Variants in ZNF446 observed in about 807,000 individuals in gnomAD.
The protein encoded by ZNF446 is zinc finger protein with KRAB and SCAN domains 20.
In ZNF446, 42 loss-of-function variants were observed where a neutral mutation model predicts 34.0. The observed-to-expected ratio is 1.23, with a 90% CI of 0.96 to 1.60. ZNF446 has a LOEUF of 1.60. Among genes scored for constraint, ZNF446 ranks in the 40% most tolerant of loss-of-function variants. The probability of loss-of-function intolerance (pLI) is 0.00; values close to 1 mark genes in which losing one functional copy is unlikely to be tolerated. For missense variants in ZNF446, 650 were observed against 600.2 expected (o/e 1.08, Z -0.87); for synonymous variants, 315 against 251.0 (o/e 1.25, Z -2.41).
At position 58,480,635 on chromosome 19, in the gene ZNF446, G is replaced by A. The variant is rs140471976; in HGVS notation, c.1262G>A (p.Arg421Gln). Reference sequence around the variant, plus strand: ...CACCGCAAGAGCCACACAGGCCAGCGGCGTCACTTCTGCAGTGACTGTGGC... The same window carrying A: ...CACCGCAAGAGCCACACAGGCCAGCAGCGTCACTTCTGCAGTGACTGTGGC... Reference protein sequence around the residue: ...VIHRKSHTGQRRHFCSDCGRA... With the variant: ...VIHRKSHTGQQRHFCSDCGRA... Residue 421 changes from arginine (R) to glutamine (Q), a missense_variant, in exon 7 of 7, where the codon CGG (arginine) becomes CAG (glutamine). Coordinates refer to ENST00000594369, the MANE Select transcript of ZNF446 (RefSeq NM_017908.4). This position sits in a 1 kb window ranked among gnomAD's most constrained non-coding sequence, Gnocchi z 7.2. 1.4e-4 allele frequency: 218 copies of A among 1,612,078 alleles called. 1 individual carries two copies. The Middle Eastern group carries it at 2.0e-3, about 15-fold the overall frequency.
At position 58,480,542 on chromosome 19, in the gene ZNF446, C is replaced by T; in HGVS notation, c.1169C>T (p.Thr390Ile). ...AFPHHPRRSLTGPRSYPCEEC... is the reference protein window; with the variant it reads ...AFPHHPRRSLIGPRSYPCEEC... ...CCGCACCACCCCCGACGCTCACTCA[C>T]AGGCCCCCGGAGTTACCCGTGTGAG... is the stretch of plus-strand genomic sequence containing the variant. Residue 390 changes from threonine to isoleucine, a missense_variant, in exon 7 of 7, where the codon ACA (threonine) becomes ATA (isoleucine). Coordinates refer to ENST00000594369, the MANE Select transcript of ZNF446 (RefSeq NM_017908.4). This position sits in a 1 kb window ranked among gnomAD's most constrained non-coding sequence, Gnocchi z 7.2. The T allele has an allele frequency of 6.2e-7, 1 of 1,612,840 alleles. No individual in the cohort carries two copies. The highest frequency in any genetic ancestry group is 8.5e-7 in the Non-Finnish European group (1 of 1,179,814).
chr19:58,477,938 A>C, intron 3 of ZNF446, 112 bp downstream of exon 3: 1 of 1,316,368 alleles, frequency 7.6e-7, no homozygotes, highest in Non-Finnish European at 1.0e-6. Context: ...CCTGAAGTGA[A>C]TGTGGATGTC....
chr19:58,477,620 C>G lies in ZNF446; in HGVS notation c.343-17C>G, dbSNP rs2053100160. 8 of 1,613,638 alleles carry G rather than the reference C, an allele frequency of 5.0e-6. No homozygotes were observed. The highest frequency in any genetic ancestry group is 5.9e-6 in the Non-Finnish European group (7 of 1,179,950). ...AGACCCTGGCTAGAGCCATTGTGAC[C>G]TACCTCTTCTCCTCAGATCACAGCC... is the stretch of plus-strand genomic sequence containing the variant. On this transcript the variant is annotated splice_polypyrimidine_tract_variant and intron_variant, in intron 2 of 6. Coordinates refer to ENST00000594369, the MANE Select transcript of ZNF446 (RefSeq NM_017908.4).
Position 58,477,295 on chromosome 19 carries a change from G to C in ZNF446, c.77G>C (p.Arg26Pro). ...ETTLEEPETA[R>P]LRFRGFCYQE... is the part of the protein sequence containing the mutation. Reference sequence around the variant, plus strand: ...ACCCTTGAGGAGCCTGAGACTGCCCGCCTCCGCTTCCGAGGGTTCTGCTAC... The same window carrying C: ...ACCCTTGAGGAGCCTGAGACTGCCCCCCTCCGCTTCCGAGGGTTCTGCTAC... The change falls in exon 2 of 7, where the codon CGC becomes CCC. Residue 26 changes from arginine to proline, a missense_variant. Transcript: ENST00000594369. 1 of 1,612,702 alleles carries C rather than the reference G, an allele frequency of 6.2e-7. No individual in the cohort carries two copies. Among genetic ancestry groups the C allele is most frequent in the Non-Finnish European group, 8.5e-7 (1 of 1,179,738 alleles).
In ZNF446 at chr19:58,477,305, C is replaced by T. The variant is rs767170463; in HGVS notation, c.87C>T (p.Phe29=). 6.2e-7 allele frequency: 1 copy of T among 1,613,176 alleles called. No homozygotes were observed. Among genetic ancestry groups the T allele is most frequent in the Non-Finnish European group, 8.5e-7 (1 of 1,179,920 alleles). ...LEEPETARLR[F]RGFCYQEVAG... is the part of the protein sequence containing the mutation. ...AGCCTGAGACTGCCCGCCTCCGCTT[C>T]CGAGGGTTCTGCTACCAGGAGGTGG... is the stretch of plus-strand genomic sequence containing the variant. The change falls in exon 2 of 7, where the codon TTC becomes TTT. Residue 29 remains phenylalanine, a synonymous_variant. Transcript: ENST00000594369.
rs189690067 is a variant in ZNF446 at position 58,477,543 on chromosome 19, G to C, written c.325G>C (p.Gly109Arg). ...ALVEGLQHDP[G>R]QLLGWITAHV... ...AGTCGAAGGACTGCAGCATGACCCT[G>C]GGCAACTGTTGGGCTGGGTGAGTGT... The change falls in exon 2 of 7, where the codon GGG becomes CGG. Residue 109 changes from glycine (G) to arginine (R), a missense_variant. Gly to Arg is a moderately radical substitution (Grantham distance 125). Transcript: ENST00000594369. 3 of 1,612,246 alleles carry C rather than the reference G, an allele frequency of 1.9e-6. No individual in the cohort carries two copies. The highest frequency in any genetic ancestry group is 4.5e-5 in the East Asian group (2 of 44,876).
Position 58,480,456 on chromosome 19 carries a change from G to C in ZNF446, c.1083G>C (p.Gln361His), listed in dbSNP as rs890476187. ...HRTHTSGPGV[Q>H]SPGLATGEST... Reference sequence around the variant, plus strand: ...CACACACGAGTGGGCCAGGTGTGCAGTCCCCGGGGCTAGCCACCGGGGAAA... The same window carrying C: ...CACACACGAGTGGGCCAGGTGTGCACTCCCCGGGGCTAGCCACCGGGGAAA... The change falls in exon 7 of 7, where the codon CAG (glutamine) becomes CAC (histidine). Residue 361 changes from glutamine to histidine, a missense_variant. Coordinates refer to ENST00000594369, the MANE Select transcript of ZNF446 (RefSeq NM_017908.4). This position sits in a 1 kb window ranked among gnomAD's most constrained non-coding sequence, Gnocchi z 7.2. 1 of 1,612,786 alleles carries C rather than the reference G, an allele frequency of 6.2e-7. No homozygotes were observed. The highest frequency in any genetic ancestry group is 8.5e-7 in the Non-Finnish European group (1 of 1,179,934).
At chr19:58,487,843 G>A in the ZNF446 span, among the ~76,000 whole-genome samples, 3 of 152,130 alleles carry the variant, frequency 2.0e-5, no homozygotes, top group Admixed American at 2.0e-4. Context: ...ATATGAATAG[G>A]ACTAAAATAT....
chr19:58,480,692 T>TC lies in ZNF446; in HGVS notation c.1321dup (p.His441ProfsTer47), dbSNP rs1568618865. On this transcript the variant is annotated frameshift_variant, in exon 7 of 7. Coordinates refer to ENST00000594369, the MANE Select transcript of ZNF446 (RefSeq NM_017908.4). LOFTEE classifies it high-confidence loss of function. The surrounding 1 kb of genome is among the most constrained non-coding windows in gnomAD (Gnocchi z 7.2). ...TTCGACTGGAAGTCGCAGCTGGTCA[T>TC]CCACCGCAAGGGCCACCGGCCGGAG... 4 of 1,608,680 alleles carry TC rather than the reference T, an allele frequency of 2.5e-6. No individual in the cohort carries two copies. Among genetic ancestry groups the TC allele is most frequent in the Non-Finnish European group, 3.4e-6 (4 of 1,179,698 alleles).
chr19:58,485,768 CAG>C (rs553608816), downstream of ZNF446, among the ~76,000 whole-genome samples: 616 of 152,118 alleles, frequency 4.0e-3, 2 homozygotes, highest in Non-Finnish European at 6.9e-3. Context: ...TTGGTAGAGA[CAG>C]GGTCTCAATA....
intron 4 of ZNF446, 138 bp downstream of exon 4, chr19:58,478,319 T>C: frequency 1.4e-6 from 1 of 737,206 alleles, no homozygotes; most frequent in Non-Finnish European, 2.2e-6. Context: ...GTAAAAGCTG[T>C]ACCCCTCCAC....
chr19:58,483,316 AC>A (rs1297899191), downstream of ZNF446, among the ~76,000 whole-genome samples: 1 of 152,128 alleles, frequency 6.6e-6, no homozygotes, highest in Non-Finnish European at 1.5e-5. Context: ...TGAAACCTCA[AC>A]TGTACTAAAA....
At chr19:58,486,725 G>C in the ZNF446 span, among the ~76,000 whole-genome samples, 1 of 148,900 alleles carries the variant, frequency 6.7e-6, no homozygotes, top group Non-Finnish European at 1.5e-5. Context: ...TTTGGGGGGG[G>C]GCGGGGAGAG....
At chr19:58,476,528 T>A (rs1826421754) in intron 1 of ZNF446, 24 bp downstream of exon 1, 1 of 152,252 alleles carries the variant, frequency 6.6e-6, no homozygotes, top group South Asian at 2.1e-4. Flanking sequence ...ACTGCAGACC[T>A]TCAGGGCCGG....
At position 58,480,801 on chromosome 19, in the gene ZNF446, A is replaced by G. The variant is rs140945018; in HGVS notation, c.*75A>G. The G allele has an allele frequency of 1.2e-5, 18 of 1,511,386 alleles. No homozygotes were observed. Among genetic ancestry groups the G allele is most frequent in the Non-Finnish European group, 1.6e-5 (18 of 1,123,136 alleles). 93.6% of individuals were successfully genotyped at this position (1,511,386 alleles called of 1,614,324 possible). On this transcript the variant is annotated 3_prime_UTR_variant, in exon 7 of 7. Transcript: ENST00000594369. This position sits in a 1 kb window ranked among gnomAD's most constrained non-coding sequence, Gnocchi z 7.2. ...ATACAGCCTCTGGGGCACCAGCAGA[A>G]GACTCTGGAGGCAGCAGGGGATGCC...
chr19:58,478,670 CAAAA>C (rs1002764870), intron 4 of ZNF446, among the ~76,000 whole-genome samples: 1 of 120,590 alleles, frequency 8.3e-6, no homozygotes, highest in Non-Finnish European at 1.8e-5. Context: ...GTGTCAAAAA[CAAAA>C]AAAAAAAAAA....
At chr19:58,488,617 C>T in the ZNF446 span, among the ~76,000 whole-genome samples, 4 of 150,880 alleles carry the variant, frequency 2.7e-5, no homozygotes, top group South Asian at 2.1e-4. Context: ...TTTGGGAGGC[C>T]GAGGCAGGTG....
At position 58,481,109 on chromosome 19, in the gene ZNF446, G is replaced by T; in HGVS notation, c.*383G>T. 1 of 241,254 alleles carries T rather than the reference G, an allele frequency of 4.1e-6. No individual in the cohort carries two copies. The highest frequency in any genetic ancestry group is 8.7e-5 in the East Asian group (1 of 11,524). 14.9% of individuals were successfully genotyped at this position (241,254 alleles called of 1,614,324 possible). A position where few individuals can be genotyped will look rare whatever the true frequency, so the allele number is the denominator to read the frequency against. ...CTGTGCCTTCCCACTCGTCTGTGCA[G>T]AGGCTGGGCCTGAGGTCTCAGTGTG... On this transcript the variant is annotated 3_prime_UTR_variant, in exon 7 of 7. Transcript: ENST00000594369.
downstream of ZNF446, among the ~76,000 whole-genome samples, chr19:58,483,133 A>G (rs2053151186): frequency 6.6e-6 from 1 of 151,870 alleles, no homozygotes; most frequent in African/African-American, 2.4e-5. Context: ...ACTTTGGGAG[A>G]CCACGAGTTC....
Sources: gnomAD v4.1 joint callset for allele counts (sites outside exome capture counted in the v4.1 genomes callset) on GRCh38, gnomAD v4.1.1 for gene constraint, Gnocchi (gnomAD v3.1) non-coding constraint, MANE v1.5 for transcripts, NCBI Gene and HGNC (gene_info 2026-07-23, HGNC 2026-07-21) for gene names.